The following NALF1 variants were observed in gnomAD, a reference collection of about 807,000 sequenced individuals.
The protein encoded by NALF1 is family with sequence similarity 155 member A.
In NALF1, 3 loss-of-function variants were observed where a neutral mutation model predicts 48.4. That is an observed-to-expected ratio of 0.06 (90% CI 0.03 to 0.16). The LOEUF is 0.16. NALF1 is among the 10% of genes least tolerant of loss of function. The pLI is 1.00. For synonymous variants in NALF1, 262 were observed against 245.7 expected (o/e 1.07, Z -0.62); for missense variants, 526 against 571.5 (o/e 0.92, Z 0.81).
intron 1 of NALF1, among the ~76,000 whole-genome samples, chr13:107,288,903 A>G (rs1309731843): frequency 6.6e-6 from 1 of 152,154 alleles, no homozygotes; most frequent in African/African-American, 2.4e-5. Context: ...TTCCTAGTAC[A>G]TGTTCTTTAT....
chr13:107,808,856 C>G (rs1026086993), intron 1 of NALF1, among the ~76,000 whole-genome samples: 1 of 152,004 alleles, frequency 6.6e-6, no homozygotes, highest in Admixed American at 6.6e-5. Context: ...ACATCCAAAT[C>G]GAAATGCCTT....
chr13:107,429,287 A>T (rs930936190), intron 1 of NALF1, among the ~76,000 whole-genome samples: 21 of 151,276 alleles, frequency 1.4e-4, no homozygotes, highest in Admixed American at 3.3e-4. Flanking sequence ...GTGCCACTGC[A>T]CTCCAGCCTG....
At chr13:107,595,615 ACTTT>A (rs1369940480) in intron 1 of NALF1, among the ~76,000 whole-genome samples, 44 of 152,140 alleles carry the variant, frequency 2.9e-4, no homozygotes, top group African/African-American at 1.0e-3. Context: ...TCTAATGCAT[ACTTT>A]CTAATTGCTA....
chr13:107,464,261 CAACA>C (rs1356185023), intron 1 of NALF1, among the ~76,000 whole-genome samples: 1 of 151,804 alleles, frequency 6.6e-6, no homozygotes, highest in Non-Finnish European at 1.5e-5. Flanking sequence ...GAGTGATATG[CAACA>C]AACACTCAAT....
chr13:107,753,984 G>A lies in NALF1; in HGVS notation c.915+111698C>T, dbSNP rs1594245147. On this transcript the variant is annotated intron_variant, in intron 1 of 2. Coordinates refer to ENST00000375915, the MANE Select transcript of NALF1 (RefSeq NM_001080396.3). ...AATTCCCATCCACGTGCTAAAAAGAGGTACTGACAAAACAGAGGTCACATA... is the reference window on the plus strand; with the variant it reads ...AATTCCCATCCACGTGCTAAAAAGAAGTACTGACAAAACAGAGGTCACATA... Among the ~76,000 whole-genome samples, 3 of 152,218 alleles carry A rather than the reference G, an allele frequency of 2.0e-5. No individual in the cohort carries two copies. In the East Asian group the frequency reaches 5.8e-4, roughly 29 times the overall value.
intron 1 of NALF1, among the ~76,000 whole-genome samples, chr13:107,776,657 A>G (rs1877739589): frequency 6.6e-6 from 1 of 152,258 alleles, no homozygotes; most frequent in Non-Finnish European, 1.5e-5. Context: ...AAAGTTGAGT[A>G]GGAAACAATT....
chr13:107,781,717 AT>A (rs766365953), intron 1 of NALF1, among the ~76,000 whole-genome samples: 9 of 151,494 alleles, frequency 5.9e-5, no homozygotes, highest in Non-Finnish European at 1.2e-4. Flanking sequence ...GCACAATCTC[AT>A]TTTGAGTCAG....
intron 1 of NALF1, among the ~76,000 whole-genome samples, chr13:107,559,564 T>G (rs1386036883): frequency 6.6e-6 from 1 of 152,180 alleles, no homozygotes; most frequent in Non-Finnish European, 1.5e-5. Context: ...CTGCAGAGGT[T>G]GTATACGGTG....
intron 1 of NALF1, among the ~76,000 whole-genome samples, chr13:107,617,883 C>T (rs1879421857): frequency 1.3e-5 from 2 of 152,146 alleles, no homozygotes; most frequent in Non-Finnish European, 2.9e-5. Flanking sequence ...TATTTGTGAT[C>T]ACTTCCCCTT....
intron 1 of NALF1, among the ~76,000 whole-genome samples, chr13:107,413,755 CATT>C (rs150243803): frequency 0.2 from 30,815 of 151,968 alleles, 3,531 homozygotes; most frequent in Middle Eastern, 0.27. Flanking sequence ...AACTTTCCAT[CATT>C]AAATGGAATA....
Position 107,530,594 on chromosome 13 carries a change from G to C in NALF1, c.916-319839C>G, listed in dbSNP as rs73596733. 6.3e-3 allele frequency among the ~76,000 whole-genome samples: 964 copies of C among 152,132 alleles called. 9 individuals carry two copies. Among genetic ancestry groups the C allele is most frequent in the African/African-American group, 0.022 (932 of 41,500 alleles). On this transcript the variant is annotated intron_variant, in intron 1 of 2. Coordinates refer to ENST00000375915, the MANE Select transcript of NALF1 (RefSeq NM_001080396.3). ...AACATGTGGATGTATGCAGAAGATG[G>C]ACTCATTCCACACAAAAATGCCATT...
In NALF1 at chr13:107,279,349, G is replaced by A. The variant is rs113164210; in HGVS notation, c.916-68594C>T. On this transcript the variant is annotated intron_variant, in intron 1 of 2. Transcript: ENST00000375915. ...CAGCTCACTGCAACCTCTGCCACCC[G>A]GGTTCAAGCAATTCTTCTGTCTCAG... 2.6e-3 allele frequency among the ~76,000 whole-genome samples: 401 copies of A among 152,052 alleles called. 3 individuals carry two copies. The highest frequency in any genetic ancestry group is 9.1e-3 in the African/African-American group (378 of 41,472).
chr13:107,177,055 T>C lies in NALF1; in HGVS notation c.1088-6269A>G, dbSNP rs1473646698. Among the ~76,000 whole-genome samples the C allele has an allele frequency of 3.3e-5, 5 of 152,042 alleles. No individual in the cohort carries two copies. The South Asian group carries it at 6.2e-4, about 19-fold the overall frequency. ...AGGATACAACATCAACATACAAAAA[T>C]CGGTAACATTTCTATATGTCAACAG... On this transcript the variant is annotated intron_variant, in intron 2 of 2. Transcript: ENST00000375915.
intron 1 of NALF1, among the ~76,000 whole-genome samples, chr13:107,666,845 C>T (rs376365666): frequency 1.3e-5 from 2 of 151,948 alleles, no homozygotes; most frequent in East Asian, 1.9e-4. Context: ...GGTATTAGTT[C>T]GTGCTTCAAT....
At chr13:107,545,140 G>C (rs1435790142) in intron 1 of NALF1, among the ~76,000 whole-genome samples, 1 of 152,148 alleles carries the variant, frequency 6.6e-6, no homozygotes, top group Middle Eastern at 3.2e-3. Context: ...CAGTTCCTAG[G>C]GTGGAGCCTA....
chr13:107,798,636 T>C (rs907146607), intron 1 of NALF1, among the ~76,000 whole-genome samples: 8 of 152,178 alleles, frequency 5.3e-5, no homozygotes, highest in Admixed American at 4.6e-4. Flanking sequence ...ATTTAATTTA[T>C]TAGAAAACAA....
chr13:107,413,799 T>C (rs894853658), intron 1 of NALF1, among the ~76,000 whole-genome samples: 1 of 152,172 alleles, frequency 6.6e-6, no homozygotes, highest in African/African-American at 2.4e-5. Flanking sequence ...TAATATTTTA[T>C]TTTTTGTGAT....
In NALF1 at chr13:107,170,596, G is replaced by C; in HGVS notation, c.1278C>G (p.Leu426=). 1 of 1,614,220 alleles carries C rather than the reference G, an allele frequency of 6.2e-7. No homozygotes were observed. Among genetic ancestry groups the C allele is most frequent in the Non-Finnish European group, 8.5e-7 (1 of 1,180,044 alleles). The part of the protein sequence containing the change: ...RLKLCVLVLI[L]LHTVLTASAA... Reference sequence around the variant, plus strand: ...CCGAGGCTGTGAGCACTGTGTGTAAGAGAATCAGTACAAGAACACACAGCT... The same window carrying C: ...CCGAGGCTGTGAGCACTGTGTGTAACAGAATCAGTACAAGAACACACAGCT... The change falls in exon 3 of 3, where the codon CTC becomes CTG. Residue 426 remains leucine (L), a synonymous_variant. Coordinates refer to ENST00000375915, the MANE Select transcript of NALF1 (RefSeq NM_001080396.3).
intron 2 of NALF1, among the ~76,000 whole-genome samples, chr13:107,198,542 C>A (rs1367668021): frequency 1.3e-5 from 2 of 152,228 alleles, no homozygotes; most frequent in African/African-American, 2.4e-5. Flanking sequence ...CTGAAGCATG[C>A]AGAATTCGCC....
Sources: allele counts gnomAD v4.1 joint callset (sites outside exome capture counted in the v4.1 genomes callset), GRCh38; gene constraint gnomAD v4.1.1; transcripts MANE v1.5; gene names NCBI Gene and HGNC (gene_info 2026-07-23, HGNC 2026-07-21).